PARM1: variants seen among roughly 807,000 people sequenced by gnomAD.
The protein encoded by PARM1 is WSC4, cell wall integrity and stress response component 4 homolog.
Under a neutral mutation model 24.6 loss-of-function variants are expected in PARM1, and 14 were observed. The ratio of observed to expected loss-of-function variants is 0.57; its 90% CI spans 0.38 to 0.89. The LOEUF (loss-of-function observed/expected upper bound fraction) is 0.89. Ranked by LOEUF, PARM1 falls within the 40% of genes least tolerant of loss-of-function variation. The probability of loss-of-function intolerance (pLI) is 0.00; values close to 1 mark genes in which losing one functional copy is unlikely to be tolerated. For missense variants in PARM1, 362 were observed against 380.4 expected (o/e 0.95, Z 0.40); for synonymous variants, 179 against 156.6 (o/e 1.14, Z -1.07).
intron 1 of PARM1, among the ~76,000 whole-genome samples, chr4:75,002,838 C>T (rs1722705865): frequency 6.6e-6 from 1 of 152,204 alleles, no homozygotes; most frequent in Non-Finnish European, 1.5e-5. Context: ...GATCCCTTGT[C>T]CCATTAGTCT....
chr4:74,952,004 A>C (rs1014406028), intron 1 of PARM1, among the ~76,000 whole-genome samples: 2 of 152,206 alleles, frequency 1.3e-5, no homozygotes, highest in Non-Finnish European at 2.9e-5. Context: ...ATCCTTAAGG[A>C]ATTGCCATAC....
chr4:75,043,690 T>C (rs1480778633), intron 3 of PARM1, among the ~76,000 whole-genome samples: 1 of 152,206 alleles, frequency 6.6e-6, no homozygotes, highest in Non-Finnish European at 1.5e-5. Context: ...GATTTTAACT[T>C]GTTCATTCTA....
chr4:74,994,587 T>C (rs572880284), intron 1 of PARM1, among the ~76,000 whole-genome samples: 2 of 152,092 alleles, frequency 1.3e-5, no homozygotes, highest in Non-Finnish European at 2.9e-5. Flanking sequence ...GGCAGGTGGA[T>C]AACTTGAGGT....
rs765300185 is a variant in PARM1, at chr4:75,046,368, G to C, written c.*121G>C. ...ATCTTAAGCCCTGTTTTGTTGGTAT[G>C]GTTGTTTTTGTTTTCCTCCCTCTCC... On this transcript the variant is annotated 3_prime_UTR_variant, in exon 4 of 4. Coordinates refer to ENST00000307428, the MANE Select transcript of PARM1 (RefSeq NM_015393.4). The C allele has an allele frequency of 6.1e-6, 4 of 652,150 alleles. No individual in the cohort carries two copies. In the Admixed American group the frequency reaches 8.3e-5, roughly 13 times the overall value. The allele number at this position is 652,150 out of a possible 1,614,324, so 40.4% of individuals were successfully genotyped here.
intron 1 of PARM1, among the ~76,000 whole-genome samples, chr4:74,960,679 A>G (rs1721751323): frequency 6.6e-6 from 1 of 152,132 alleles, no homozygotes; most frequent in Non-Finnish European, 1.5e-5. Context: ...ACCCAATAGA[A>G]ACATACCTAA....
chr4:74,974,692 T>C (rs1384182485), intron 1 of PARM1, among the ~76,000 whole-genome samples: 1 of 152,182 alleles, frequency 6.6e-6, no homozygotes, highest in African/African-American at 2.4e-5. Flanking sequence ...TGAACTGAAT[T>C]GTATTCCCTT....
chr4:75,039,071 A>C (rs1468883544), intron 3 of PARM1, among the ~76,000 whole-genome samples: 1 of 152,200 alleles, frequency 6.6e-6, no homozygotes, highest in Non-Finnish European at 1.5e-5. Context: ...TGGTTGTTAG[A>C]GTAGGCCCAG....
chr4:75,035,808 A>G (rs1316462756), intron 3 of PARM1, among the ~76,000 whole-genome samples: 2 of 152,218 alleles, frequency 1.3e-5, no homozygotes, highest in Admixed American at 6.5e-5. Flanking sequence ...ACCTGTTTCT[A>G]ATAAAACATT....
chr4:75,021,576 G>A (rs1001585214), intron 2 of PARM1, among the ~76,000 whole-genome samples: 2 of 150,542 alleles, frequency 1.3e-5, no homozygotes, highest in Admixed American at 6.6e-5. Flanking sequence ...AGCATAGTGC[G>A]CTATAGTTAG....
chr4:74,960,824 T>C (rs908974701), intron 1 of PARM1, among the ~76,000 whole-genome samples: 6 of 150,340 alleles, frequency 4.0e-5, no homozygotes, highest in African/African-American at 1.5e-4. Flanking sequence ...CTGGCTAACA[T>C]GGTAAAACCC....
intron 1 of PARM1, among the ~76,000 whole-genome samples, chr4:75,011,165 C>A (rs572801418): frequency 6.6e-6 from 1 of 152,194 alleles, no homozygotes; most frequent in East Asian, 1.9e-4. Flanking sequence ...CCACCAGGCC[C>A]CACTTCCAAC....
At chr4:74,994,407 G>A (rs899602388) in intron 1 of PARM1, among the ~76,000 whole-genome samples, 7 of 152,118 alleles carry the variant, frequency 4.6e-5, no homozygotes, top group African/African-American at 7.2e-5. Flanking sequence ...TAATTATTCT[G>A]TAATAAGGCT....
At position 75,012,729 on chromosome 4, in the gene PARM1, C is replaced by A. The variant is rs1722899284; in HGVS notation, c.348C>A (p.Val116=). 1.2e-6 allele frequency: 2 copies of A among 1,613,832 alleles called. No individual in the cohort carries two copies. Among genetic ancestry groups the A allele is most frequent in the African/African-American group, 2.7e-5 (2 of 74,904 alleles). Residue 116 remains valine, a synonymous_variant, in exon 2 of 4, where the codon GTC becomes GTA. Transcript: ENST00000307428. The part of the protein sequence containing the change: ...PSGFSSTSGG[V]HLTTTLEEHS... ...GGTTCTCGTCAACAAGCGGTGGAGT[C>A]CACTTAACAACCACGTTGGAGGAAC...
intron 1 of PARM1, among the ~76,000 whole-genome samples, chr4:74,937,295 A>C (rs1378109589): frequency 6.6e-6 from 1 of 152,220 alleles, no homozygotes; most frequent in Admixed American, 6.5e-5. Context: ...AGTCACTTGC[A>C]TTCCTTAGCC....
intron 2 of PARM1, among the ~76,000 whole-genome samples, chr4:75,028,990 A>G (rs1156426454): frequency 6.6e-6 from 1 of 152,230 alleles, no homozygotes; most frequent in Non-Finnish European, 1.5e-5. Flanking sequence ...TGCTAAGCCC[A>G]GGAATATAGA....
chr4:74,956,718 C>T (rs1721642730), intron 1 of PARM1: 1 of 152,176 alleles, frequency 6.6e-6, no homozygotes, highest in Non-Finnish European at 1.5e-5. Flanking sequence ...TTCCCTAGAA[C>T]CTGAAGCCCA....
intron 1 of PARM1, among the ~76,000 whole-genome samples, chr4:74,946,418 C>T (rs1184500486): frequency 6.6e-6 from 1 of 152,162 alleles, no homozygotes; most frequent in Non-Finnish European, 1.5e-5. Context: ...CGTTTTCTTC[C>T]CACAGTCTCT....
chr4:74,986,140 G>T (rs1483244816), intron 1 of PARM1, among the ~76,000 whole-genome samples: 3 of 152,016 alleles, frequency 2.0e-5, no homozygotes, highest in African/African-American at 7.3e-5. Context: ...AATGCATAGA[G>T]TCTTTGGTGC....
chr4:74,994,171 A>T (rs998822822), intron 1 of PARM1: 2 of 152,174 alleles, frequency 1.3e-5, no homozygotes, highest in Non-Finnish European at 2.9e-5. Flanking sequence ...CTTTTGAAGA[A>T]AACCAGCTTG....
Sources: allele counts gnomAD v4.1 joint callset (sites outside exome capture counted in the v4.1 genomes callset), GRCh38; gene constraint gnomAD v4.1.1; transcripts MANE v1.5; gene names NCBI Gene and HGNC (gene_info 2026-07-23, HGNC 2026-07-21).